The following TYRP1 variants were observed in gnomAD, a reference collection of about 807,000 sequenced individuals.
The protein encoded by TYRP1 is 5,6-dihydroxyindole-2-carboxylic acid oxidase.
TYRP1 carries 49 observed loss-of-function variants against 42.8 expected under a neutral mutation model. The observed-to-expected ratio is 1.14, with a 90% CI of 0.91 to 1.45. TYRP1 has a LOEUF of 1.45. Among genes scored for constraint, TYRP1 ranks in the 40% most tolerant of loss-of-function variants. TYRP1 has a pLI of 0.00. For missense variants in TYRP1, 848 were observed against 662.0 expected (o/e 1.28, Z -3.08); for synonymous variants, 279 against 235.4 (o/e 1.19, Z -1.69).
At chr9:12,707,736 A>G (rs1016252573) in intron 6 of TYRP1, 1 of 400,902 alleles carries the variant, frequency 2.5e-6, no homozygotes, top group Non-Finnish European at 4.4e-6. Context: ...CAAGATCACC[A>G]TAGGTGATGA....
At chr9:12,694,490 C>A in intron 2 of TYRP1, 109 bp downstream of exon 2, 1 of 1,363,756 alleles carries the variant, frequency 7.3e-7, no homozygotes, top group Non-Finnish European at 1.0e-6. Context: ...TATAGCTCAA[C>A]CCTCTCTTTT....
rs754027576 is a variant in TYRP1, at chr9:12,708,107, G to A, written c.1372G>A (p.Asp458Asn). 1.2e-6 allele frequency: 2 copies of A among 1,612,740 alleles called. No homozygotes were observed. Among genetic ancestry groups the A allele is most frequent in the South Asian group, 1.1e-5 (1 of 91,048 alleles). ...CACAGAAATGTTTGTTACTGCTCCA[G>A]ACAACCTGGGATACACTTATGAAAT... ...TNTEMFVTAP[D>N]NLGYTYEIQW... is the part of the protein sequence containing the mutation. Residue 458 changes from aspartate (D) to asparagine (N), a missense_variant, in exon 7 of 8, where the codon GAC (aspartate) becomes AAC (asparagine). Coordinates refer to ENST00000388918, the MANE Select transcript of TYRP1 (RefSeq NM_000550.3).
intron 5 of TYRP1, among the ~76,000 whole-genome samples, chr9:12,703,468 C>A (rs1215032780): frequency 6.6e-6 from 1 of 151,800 alleles, no homozygotes; most frequent in African/African-American, 2.4e-5. Flanking sequence ...AGGCCATCAG[C>A]ACTGATGTTT....
Position 12,695,510 on chromosome 9 carries a change from T to C in TYRP1, c.386-5T>C. The C allele has an allele frequency of 6.2e-7, 1 of 1,614,060 alleles. No homozygotes were observed. Among genetic ancestry groups the C allele is most frequent in the Non-Finnish European group, 8.5e-7 (1 of 1,179,962 alleles). On this transcript the variant is annotated splice_region_variant and splice_polypyrimidine_tract_variant and intron_variant, in intron 2 of 7. Transcript: ENST00000388918. ...TTTTCATGCTTGAATTTTGTATCCC[T>C]AAAGTCAGGAGAAATCTTCTGGACT...
chr9:12,695,920 G>C (rs1818073435), intron 3 of TYRP1, 83 bp downstream of exon 3: 1 of 1,454,928 alleles, frequency 6.9e-7, no homozygotes, highest in Non-Finnish European at 9.5e-7. Context: ...CTAGTTTTCA[G>C]AATCATCAGA....
chr9:12,704,525 G>A lies in TYRP1; in HGVS notation c.1082-1G>A, dbSNP rs755053457. The A allele has an allele frequency of 6.8e-6, 11 of 1,611,348 alleles. No homozygotes were observed. Among genetic ancestry groups the A allele is most frequent in the African/African-American group, 2.7e-5 (2 of 74,808 alleles). On this transcript the variant is annotated splice_acceptor_variant, in intron 5 of 7. Transcript: ENST00000388918. LOFTEE classifies it high-confidence loss of function. ...TATTCTCCTCCTTACCATGTGTCTA[G>A]GTTACAGTGACCCCACGGGAAAGTA...
rs751391312 is a variant in TYRP1, at chr9:12,708,016, G to A, written c.1281G>A (p.Leu427=). ...ATTTAGATATATCCACATTTCCATT[G>A]GAAAATGCCCCTATTGGACATAATA... is the stretch of plus-strand genomic sequence containing the variant. ...RYNADISTFP[L]ENAPIGHNRQ... The change falls in exon 7 of 8, where the codon TTG becomes TTA. Residue 427 remains leucine, a synonymous_variant. Coordinates refer to ENST00000388918, the MANE Select transcript of TYRP1 (RefSeq NM_000550.3). The A allele has an allele frequency of 5.6e-6, 9 of 1,611,898 alleles. No individual in the cohort carries two copies. The highest frequency in any genetic ancestry group is 7.6e-6 in the Non-Finnish European group (9 of 1,178,690).
In TYRP1 at chr9:12,709,437, A is replaced by ATCTT. The variant is rs1392292750; in HGVS notation, c.*257_*260dup. 4.1e-6 allele frequency: 2 copies of ATCTT among 485,052 alleles called. No individual in the cohort carries two copies. Among genetic ancestry groups the ATCTT allele is most frequent in the Non-Finnish European group, 7.5e-6 (2 of 267,042 alleles). 30.0% of individuals were successfully genotyped at this position (485,052 alleles called of 1,614,324 possible). ...CATGATATTTAAGGATAGTGTGAAG[A>ATCTT]TCTTTGGCATGATTTAAAGGTTGAG... is the stretch of plus-strand genomic sequence containing the variant. On this transcript the variant is annotated 3_prime_UTR_variant, in exon 8 of 8. Transcript: ENST00000388918.
intron 6 of TYRP1, among the ~76,000 whole-genome samples, chr9:12,706,451 T>C (rs1201553660): frequency 6.6e-6 from 1 of 152,064 alleles, no homozygotes; most frequent in African/African-American, 2.4e-5. Context: ...AGGTCATTGA[T>C]GAACCAGAAA....
At chr9:12,696,945 GA>G (rs987764510) in intron 3 of TYRP1, among the ~76,000 whole-genome samples, 3 of 151,480 alleles carry the variant, frequency 2.0e-5, no homozygotes, top group Admixed American at 6.6e-5. Flanking sequence ...ATTATTCCGA[GA>G]AAAAATAAAT....
intron 4 of TYRP1, among the ~76,000 whole-genome samples, chr9:12,699,907 G>C (rs1208080125): frequency 6.6e-6 from 1 of 151,570 alleles, no homozygotes; most frequent in Admixed American, 6.6e-5. Flanking sequence ...TAGCACAGGA[G>C]GGGGAAGAAA....
intron 2 of TYRP1, among the ~76,000 whole-genome samples, chr9:12,695,311 G>C (rs1481758452): frequency 6.6e-6 from 1 of 152,142 alleles, no homozygotes; most frequent in Non-Finnish European, 1.5e-5. Context: ...CAGTAAATTG[G>C]AGAGAGAAAA....
chr9:12,695,952 T>C, intron 3 of TYRP1, 115 bp downstream of exon 3: 2 of 1,086,126 alleles, frequency 1.8e-6, no homozygotes, highest in Non-Finnish European at 2.7e-6. Flanking sequence ...AAAAGCAATT[T>C]TATGTTACTA....
chr9:12,708,876 G>C (rs1436000543), intron 7 of TYRP1, 101 bp from the exon 8 acceptor site: 1 of 1,135,970 alleles, frequency 8.8e-7, no homozygotes, highest in Non-Finnish European at 1.3e-6. Context: ...TAAATATGAG[G>C]ATTTCTGTTA....
rs146316747 is a variant in TYRP1 at position 12,708,127 on chromosome 9, T to A, written c.1392T>A (p.Tyr464Ter). ...VTAPDNLGYT[Y>*]EIQWPSREFS... ...CTCCAGACAACCTGGGATACACTTA[T>A]GAAATTCAATGGCCAAGTGAGTGTT... The change falls in exon 7 of 8, where the codon TAT (tyrosine) becomes TAA (stop). Residue 464 changes from tyrosine to a stop codon, truncating the protein, a stop_gained. Transcript: ENST00000388918. LOFTEE classifies it low-confidence loss of function (END_TRUNC). 1.2e-6 allele frequency: 2 copies of A among 1,612,562 alleles called. No individual in the cohort carries two copies. Among genetic ancestry groups the A allele is most frequent in the African/African-American group, 1.3e-5 (1 of 74,830 alleles).
Position 12,709,109 on chromosome 9 carries a change from T to C in TYRP1, c.1541T>C (p.Leu514Pro). 6.2e-7 allele frequency: 1 copy of C among 1,612,774 alleles called. No individual in the cohort carries two copies. The highest frequency in any genetic ancestry group is 8.5e-7 in the Non-Finnish European group (1 of 1,179,158). ...AGTATGGATGAAGCTAACCAGCCTCTCCTCACTGATCAGTATCAATGCTAT... is the reference window on the plus strand; with the variant it reads ...AGTATGGATGAAGCTAACCAGCCTCCCCTCACTGATCAGTATCAATGCTAT... ...RRSMDEANQP[L>P]LTDQYQCYAE... The change falls in exon 8 of 8, where the codon CTC (leucine) becomes CCC (proline). Residue 514 changes from leucine (L) to proline (P), a missense_variant. Physicochemically the swap from Leu to Pro is moderately conservative, Grantham distance 98. Transcript: ENST00000388918.
chr9:12,696,528 A>T (rs892247978), intron 3 of TYRP1, among the ~76,000 whole-genome samples: 2 of 152,168 alleles, frequency 1.3e-5, no homozygotes, highest in Non-Finnish European at 2.9e-5. Context: ...AATTTGAAAA[A>T]AAGTTGAAAA....
intron 4 of TYRP1, chr9:12,701,797 T>C (rs1413314251): frequency 6.4e-6 from 1 of 155,396 alleles, no homozygotes; most frequent in Non-Finnish European, 1.4e-5. Context: ...TTGACATATG[T>C]ATCACTTTCC....
chr9:12,707,483 G>A (rs1360820601), intron 6 of TYRP1, among the ~76,000 whole-genome samples: 1 of 151,920 alleles, frequency 6.6e-6, no homozygotes, highest in Non-Finnish European at 1.5e-5. Context: ...CAGGAAATAG[G>A]ATAGGCAGTA....
Sources: gnomAD v4.1 joint callset for allele counts (sites outside exome capture counted in the v4.1 genomes callset) on GRCh38, gnomAD v4.1.1 for gene constraint, MANE v1.5 for transcripts, NCBI Gene and HGNC (gene_info 2026-07-23, HGNC 2026-07-21) for gene names.